Variants in PHLDB3 observed in about 807,000 individuals in gnomAD.
PHLDB3 encodes pleckstrin homology like domain family B member 3, also known as pleckstrin homology-like domain family B member 3.
Under a neutral mutation model 85.7 loss-of-function variants are expected in PHLDB3, and 86 were observed. That is an observed-to-expected ratio of 1.00 (90% CI 0.84 to 1.20). PHLDB3 has a LOEUF of 1.20. PHLDB3 is among the 50% of genes most tolerant of loss of function. The pLI is 0.00. For synonymous variants in PHLDB3, 376 were observed against 349.8 expected (o/e 1.07, Z -0.83); for missense variants, 995 against 873.0 (o/e 1.14, Z -1.76).
intron 5 of PHLDB3, 53 bp from the exon 6 acceptor site, chr19:43,497,332 G>GTAC: frequency 7.6e-7 from 1 of 1,324,226 alleles, no homozygotes; most frequent in Non-Finnish European, 9.8e-7. Flanking sequence ...AGACCCCAGG[G>GTAC]AGTAGTGGGC....
intron 9 of PHLDB3, among the ~76,000 whole-genome samples, chr19:43,491,592 C>A (rs1346476221): frequency 6.6e-6 from 1 of 151,780 alleles, no homozygotes; most frequent in African/African-American, 2.4e-5. Context: ...ACCTCCATCT[C>A]CTGGGTTCAA....
chr19:43,484,832 A>T (rs1002909413), intron 13 of PHLDB3, among the ~76,000 whole-genome samples: 3 of 152,182 alleles, frequency 2.0e-5, no homozygotes, highest in Admixed American at 6.6e-5. Context: ...GTAAAATAAA[A>T]TTGGTGGCTG....
intron 5 of PHLDB3, among the ~76,000 whole-genome samples, 173 bp from the exon 6 acceptor site, chr19:43,497,452 C>A (rs551451579): frequency 2.0e-5 from 3 of 152,216 alleles, no homozygotes; most frequent in East Asian, 1.9e-4. Flanking sequence ...CAGTGGCTCA[C>A]GCCTGTAATC....
rs1385164250 is a variant in PHLDB3, at chr19:43,500,907, GTA to G, written c.534+825_534+826del. 4.5e-3 allele frequency among the ~76,000 whole-genome samples: 30 copies of G among 6,596 alleles called. 1 individual carries two copies. The highest frequency in any genetic ancestry group is 0.043 in the East Asian group (4 of 92). The allele number at this position is 6,596 out of a possible 152,430, so 4.3% of individuals were successfully genotyped here. A position where few individuals can be genotyped will look rare whatever the true frequency, so the allele number is the denominator to read the frequency against. ...ATCCTCCCACTTTGCCCCGCCCCCC[GTA>G]CCCCCCCCCCACCCCGCAAGTACTG... is the stretch of plus-strand genomic sequence containing the variant. On this transcript the variant is annotated intron_variant, in intron 4 of 15. Transcript: ENST00000292140.
At chr19:43,476,295 AG>A (rs1164130661) in intron 15 of PHLDB3, among the ~76,000 whole-genome samples, 2 of 152,168 alleles carry the variant, frequency 1.3e-5, no homozygotes, top group African/African-American at 4.8e-5. Flanking sequence ...ATCTGTTTTT[AG>A]CCCTCTCAAT....
At position 43,496,643 on chromosome 19, in the gene PHLDB3, C is replaced by T. The variant is rs112195108; in HGVS notation, c.825+475G>A. The T allele has an allele frequency of 5.2e-3, 854 of 163,572 alleles. 2 individuals carry two copies. Among genetic ancestry groups the T allele is most frequent in the Non-Finnish European group, 8.7e-3 (664 of 76,116 alleles). 10.1% of individuals were successfully genotyped at this position (163,572 alleles called of 1,614,324 possible). On this transcript the variant is annotated intron_variant, in intron 6 of 15. Coordinates refer to ENST00000292140, the MANE Select transcript of PHLDB3 (RefSeq NM_198850.4). ...CAAAAATTATCCAGGTGTAGGGGCT[C>T]GCACCTGTGGTCCCAGCTACTCGAG...
intron 15 of PHLDB3, among the ~76,000 whole-genome samples, chr19:43,476,731 G>A (rs1970936100): frequency 6.6e-6 from 1 of 152,130 alleles, no homozygotes; most frequent in Non-Finnish European, 1.5e-5. Flanking sequence ...ATGTCACATA[G>A]CTGAGATTCC....
intron 8 of PHLDB3, 98 bp from the exon 9 acceptor site, chr19:43,494,913 T>C: frequency 1.2e-6 from 1 of 830,692 alleles, no homozygotes; most frequent in Non-Finnish European, 1.9e-6. Context: ...TGCCACCCAT[T>C]TCTCAGAAAG....
At chr19:43,487,701 G>A (rs563414543) in intron 9 of PHLDB3, among the ~76,000 whole-genome samples, 18 of 152,096 alleles carry the variant, frequency 1.2e-4, no homozygotes, top group Admixed American at 5.9e-4. Flanking sequence ...AGAGGCTAAG[G>A]GATGCAGGGT....
In PHLDB3 at chr19:43,497,955, C is replaced by T. The variant is rs547663157; in HGVS notation, c.535-79G>A. On this transcript the variant is annotated intron_variant, in intron 4 of 15. Coordinates refer to ENST00000292140, the MANE Select transcript of PHLDB3 (RefSeq NM_198850.4). ...CAGCCAGCCATATCTCAGAGCCTGC[C>T]TGGGGTGTCGGCTGTACAAAGGCAG... is the stretch of plus-strand genomic sequence containing the variant. The T allele has an allele frequency of 7.3e-4, 1,111 of 1,520,760 alleles. 16 individuals are homozygous for T. The South Asian group carries it at 0.013, about 18-fold the overall frequency. The allele number at this position is 1,520,760 out of a possible 1,614,324, so 94.2% of individuals were successfully genotyped here.
rs539901634 is a variant in PHLDB3 at position 43,495,768 on chromosome 19, C to G, written c.826-148G>C. ...TGTCCAGGGCTGGGGACCCAGCGTT[C>G]AGCTCCCTGGACCCTCTTCCCTTTT... On this transcript the variant is annotated intron_variant, in intron 6 of 15. Transcript: ENST00000292140. The G allele has an allele frequency of 2.7e-5, 31 of 1,144,760 alleles. No individual in the cohort carries two copies. The South Asian group carries it at 4.9e-4, about 18-fold the overall frequency. The allele number at this position is 1,144,760 out of a possible 1,614,324, so 70.9% of individuals were successfully genotyped here. A position where few individuals can be genotyped will look rare whatever the true frequency, so the allele number is the denominator to read the frequency against.
At position 43,475,404 on chromosome 19, in the gene PHLDB3, G is replaced by A. The variant is rs575715527; in HGVS notation, c.*6C>T. Reference sequence around the variant, plus strand: ...AAGGGACTTCCCCCCAAGAGGGCGGGGCCACTCAGGGGGCGTGGTTTTCGT... The same window carrying A: ...AAGGGACTTCCCCCCAAGAGGGCGGAGCCACTCAGGGGGCGTGGTTTTCGT... On this transcript the variant is annotated 3_prime_UTR_variant, in exon 16 of 16. Transcript: ENST00000292140. 8.9e-5 allele frequency: 144 copies of A among 1,613,718 alleles called. 6 individuals are homozygous for A. In the South Asian group the frequency reaches 1.6e-3, roughly 18 times the overall value.
rs764668350 is a variant in PHLDB3, at chr19:43,503,989, G to A, written c.130C>T (p.Pro44Ser). Reference protein sequence around the residue: ...EQEASEVLAEPSSRGGAEQQA... With the variant: ...EQEASEVLAESSSRGGAEQQA... ...TGCTCAGCTCCCCCGCGGCTCGAAG[G>A]TTCCGCCAGGACTTCGGATGCCTCC... Residue 44 changes from proline (P) to serine (S), a missense_variant, in exon 2 of 16, where the codon CCT (proline) becomes TCT (serine). Pro to Ser is a moderately conservative substitution (Grantham distance 74, BLOSUM62 -1). Coordinates refer to ENST00000292140, the MANE Select transcript of PHLDB3 (RefSeq NM_198850.4). The A allele has an allele frequency of 1.2e-5, 19 of 1,613,950 alleles. No homozygotes were observed. The highest frequency in any genetic ancestry group is 1.6e-5 in the Non-Finnish European group (19 of 1,179,822).
At chr19:43,492,430 G>T (rs990212245) in intron 9 of PHLDB3, among the ~76,000 whole-genome samples, 1 of 151,586 alleles carries the variant, frequency 6.6e-6, no homozygotes, top group African/African-American at 2.4e-5. Context: ...TGTCGCCCAG[G>T]TCTGGAACTC....
intron 15 of PHLDB3, 22 bp from the exon 16 acceptor site, chr19:43,475,566 G>A (rs776874181): frequency 1.9e-6 from 3 of 1,613,438 alleles, no homozygotes; most frequent in Non-Finnish European, 2.5e-6. Context: ...AGAAAGTGAG[G>A]GTAATTCAGA....
Position 43,495,286 on chromosome 19 carries a change from G to A in PHLDB3, c.1005C>T (p.Asp335=), listed in dbSNP as rs1477669705. The change falls in exon 8 of 16, where the codon GAC becomes GAT. Residue 335 remains aspartate (D), a synonymous_variant. Coordinates refer to ENST00000292140, the MANE Select transcript of PHLDB3 (RefSeq NM_198850.4). The part of the protein sequence containing the change: ...LNCLQGTPGG[D]FSEPNPALTK... ...TGAGGGCCGGGTTGGGCTCAGAGAA[G>A]TCCCCGCCAGGTGTTCCCTGAAGGC... The A allele has an allele frequency of 3.1e-6, 5 of 1,613,872 alleles. No individual in the cohort carries two copies. The highest frequency in any genetic ancestry group is 1.6e-4 in the Middle Eastern group (1 of 6,062).
At chr19:43,502,930 G>C (rs1971650205) in intron 2 of PHLDB3, among the ~76,000 whole-genome samples, 1 of 152,068 alleles carries the variant, frequency 6.6e-6, no homozygotes, top group East Asian at 1.9e-4. Context: ...TCACTTTCTT[G>C]TAGTGCCTGG....
intron 13 of PHLDB3, 72 bp downstream of exon 13, chr19:43,486,194 T>C: frequency 6.8e-7 from 1 of 1,478,106 alleles, no homozygotes; most frequent in Non-Finnish European, 8.9e-7. Flanking sequence ...GGGTCAGATG[T>C]AAGAAAGGGC....
Position 43,487,088 on chromosome 19 carries a change from G to A in PHLDB3, c.1185C>T (p.Pro395=), listed in dbSNP as rs1262021246. 2 of 1,573,488 alleles carry A rather than the reference G, an allele frequency of 1.3e-6. No homozygotes were observed. Among genetic ancestry groups the A allele is most frequent in the East Asian group, 2.3e-5 (1 of 42,986 alleles). ...SIGLQRTGSL[P]RKRGERGSQR... ...GGCTCCCCCTCTCCCCCCTTTTCCG[G>A]GGCAGGCTCCCAGTCCTCTGGAGGC... Residue 395 remains proline (P), a synonymous_variant, in exon 10 of 16, where the codon CCC becomes CCT. Coordinates refer to ENST00000292140, the MANE Select transcript of PHLDB3 (RefSeq NM_198850.4).
Sources: allele counts gnomAD v4.1 joint callset (sites outside exome capture counted in the v4.1 genomes callset), GRCh38; gene constraint gnomAD v4.1.1; transcripts MANE v1.5; gene names NCBI Gene and HGNC (gene_info 2026-07-23, HGNC 2026-07-21).